Variants in HIPK2 observed in about 807,000 individuals in gnomAD.
The protein encoded by HIPK2 is homeodomain-interacting protein kinase 2.
Under a neutral mutation model 113.7 loss-of-function variants are expected in HIPK2, and 27 were observed. The ratio of observed to expected loss-of-function variants is 0.24; its 90% CI spans 0.17 to 0.33. HIPK2 has a LOEUF of 0.33. Ranked by LOEUF, HIPK2 falls within the 10% of genes least tolerant of loss-of-function variation. The probability of loss-of-function intolerance (pLI) is 1.00; values close to 1 mark genes in which losing one functional copy is unlikely to be tolerated. For synonymous variants in HIPK2, 631 were observed against 642.2 expected (o/e 0.98, Z 0.26); for missense variants, 1,257 against 1,588.0 (o/e 0.79, Z 3.54).
intron 2 of HIPK2, among the ~76,000 whole-genome samples, chr7:139,694,532 G>A (rs943789020): frequency 2.0e-5 from 3 of 152,280 alleles, no homozygotes; most frequent in South Asian, 2.1e-4. Flanking sequence ...CTGGAACCAC[G>A]TGGGGAGTCT....
At chr7:139,587,709 C>T (rs1007535809) in intron 12 of HIPK2, among the ~76,000 whole-genome samples, 1 of 151,676 alleles carries the variant, frequency 6.6e-6, no homozygotes, top group South Asian at 2.1e-4. Context: ...TGAGATCCCA[C>T]CTCTACAAAA....
chr7:139,731,757 C>T (rs1795790214), intron 1 of HIPK2, among the ~76,000 whole-genome samples: 1 of 152,216 alleles, frequency 6.6e-6, no homozygotes, highest in Admixed American at 6.5e-5. Context: ...TTCATTTCAT[C>T]CCCTTCTTAA....
chr7:139,755,302 G>C (rs1427163332), intron 1 of HIPK2, among the ~76,000 whole-genome samples: 1 of 152,226 alleles, frequency 6.6e-6, no homozygotes, highest in East Asian at 1.9e-4. Flanking sequence ...CCATGGGGCA[G>C]AAATACAGAA....
intron 12 of HIPK2, among the ~76,000 whole-genome samples, chr7:139,590,096 T>C (rs1585244842): frequency 6.6e-6 from 1 of 152,358 alleles, no homozygotes; most frequent in East Asian, 1.9e-4. Flanking sequence ...GCAGATTCTT[T>C]AGGCTCGTAT....
At chr7:139,604,418 A>C in intron 9 of HIPK2, 195 bp from the exon 10 acceptor site, 3 of 279,530 alleles carry the variant, frequency 1.1e-5, no homozygotes, top group Non-Finnish European at 1.6e-5. Context: ...GCAGTGGCTC[A>C]CGCCTGTAAT....
rs141791966 is a variant in HIPK2 at position 139,708,679 on chromosome 7, C to T, written c.1103+7253G>A. Among the ~76,000 whole-genome samples, 93 of 152,336 alleles carry T rather than the reference C, an allele frequency of 6.1e-4. No individual in the cohort carries two copies. In the East Asian group the frequency reaches 0.015, roughly 24 times the overall value. ...CCTGGGCCCTCTGTCTCTGGGGACA[C>T]TGGGGTATTTTCATGTCTTTAAGTG... is the stretch of plus-strand genomic sequence containing the variant. On this transcript the variant is annotated intron_variant, in intron 2 of 14. Transcript: ENST00000406875.
chr7:139,622,101 T>G (rs1800255161), intron 6 of HIPK2, among the ~76,000 whole-genome samples: 2 of 152,176 alleles, frequency 1.3e-5, no homozygotes, highest in Admixed American at 1.3e-4. Context: ...ATGCTATCTT[T>G]GGGGCTAAGC....
chr7:139,681,692 C>G (rs1177346916), intron 2 of HIPK2, among the ~76,000 whole-genome samples: 2 of 152,168 alleles, frequency 1.3e-5, no homozygotes, highest in African/African-American at 4.8e-5. Flanking sequence ...TAAAACTCCT[C>G]ACATGAAAGG....
At chr7:139,620,903 T>A (rs139513509) in intron 6 of HIPK2, among the ~76,000 whole-genome samples, 46 of 152,346 alleles carry the variant, frequency 3.0e-4, no homozygotes, top group African/African-American at 1.0e-3. Context: ...GCCTGGTTTC[T>A]GGCCCACAAA....
rs1419980199 is a variant in HIPK2, at chr7:139,746,841, CA to C, written c.20-29827del. 3.3e-5 allele frequency among the ~76,000 whole-genome samples: 5 copies of C among 152,154 alleles called. No homozygotes were observed. In the East Asian group the frequency reaches 9.7e-4, roughly 29 times the overall value. ...TCCAGTCGGCCAAGGTGACGTGGGC[CA>C]GGGGAGAGGCAGGCTGTAGCCTGAC... On this transcript the variant is annotated intron_variant, in intron 1 of 14. Coordinates refer to ENST00000406875, the MANE Select transcript of HIPK2 (RefSeq NM_022740.5).
chr7:139,762,052 A>G (rs1163855529), intron 1 of HIPK2, among the ~76,000 whole-genome samples: 1 of 152,232 alleles, frequency 6.6e-6, no homozygotes, highest in Non-Finnish European at 1.5e-5. Context: ...TACATAAAAA[A>G]GCAGTTACAT....
At chr7:139,718,012 G>A (rs1174595381) in intron 1 of HIPK2, among the ~76,000 whole-genome samples, 2 of 152,094 alleles carry the variant, frequency 1.3e-5, no homozygotes, top group Non-Finnish European at 2.9e-5. Context: ...CCAAAGTGCT[G>A]GGATTACAGA....
intron 2 of HIPK2, among the ~76,000 whole-genome samples, chr7:139,712,435 C>G (rs1175312498): frequency 2.6e-4 from 40 of 152,218 alleles, no homozygotes; most frequent in Admixed American, 2.6e-3. Context: ...CATAAGTACT[C>G]TACCTTTTGA....
chr7:139,629,105 T>G, intron 4 of HIPK2, 66 bp from the exon 5 acceptor site: 1 of 1,306,646 alleles, frequency 7.7e-7, no homozygotes, highest in South Asian at 1.3e-5. Context: ...ACTCAAGCCT[T>G]GGAACTCCTG....
At chr7:139,626,212 C>CCTGCTTCA (rs1800423804) in intron 6 of HIPK2, among the ~76,000 whole-genome samples, 2 of 151,904 alleles carry the variant, frequency 1.3e-5, no homozygotes. Flanking sequence ...AAGCAATTCT[C>CCTGCTTCA]CTGCTTCAGC....
At chr7:139,732,213 A>G (rs1454468345) in intron 1 of HIPK2, among the ~76,000 whole-genome samples, 1 of 152,186 alleles carries the variant, frequency 6.6e-6, no homozygotes, top group Non-Finnish European at 1.5e-5. Flanking sequence ...GTGTTTGTGG[A>G]TATGAAAATC....
intron 9 of HIPK2, among the ~76,000 whole-genome samples, chr7:139,605,214 T>C (rs1331274987): frequency 2.6e-5 from 4 of 151,818 alleles, no homozygotes; most frequent in Admixed American, 2.6e-4. Context: ...ACGTTTGTGA[T>C]TCTTCCTTGA....
intron 12 of HIPK2, among the ~76,000 whole-genome samples, chr7:139,589,784 G>A (rs1303791245): frequency 6.6e-6 from 1 of 152,186 alleles, no homozygotes; most frequent in Admixed American, 6.5e-5. Flanking sequence ...TTATCTACAA[G>A]GAGTGTGGGA....
At chr7:139,730,520 C>T (rs1795744242) in intron 1 of HIPK2, among the ~76,000 whole-genome samples, 1 of 152,052 alleles carries the variant, frequency 6.6e-6, no homozygotes, top group African/African-American at 2.4e-5. Context: ...GCCAACATGC[C>T]CGGCTAATTT....
Sources: allele counts gnomAD v4.1 joint callset (sites outside exome capture counted in the v4.1 genomes callset), GRCh38; gene constraint gnomAD v4.1.1; transcripts MANE v1.5; gene names NCBI Gene and HGNC (gene_info 2026-07-23, HGNC 2026-07-21).